The following STRN variants were observed in gnomAD, a reference collection of about 807,000 sequenced individuals.
STRN encodes protein phosphatase 2 regulatory subunit B'''alpha.
In STRN, 53 loss-of-function variants were observed where a neutral mutation model predicts 96.3. The observed-to-expected ratio is 0.55, with a 90% CI of 0.44 to 0.69. The LOEUF is 0.69. STRN is among the 30% of genes least tolerant of loss of function. STRN has a pLI of 0.00. For synonymous variants in STRN, 428 were observed against 355.9 expected (o/e 1.20, Z -2.28); for missense variants, 987 against 963.9 (o/e 1.02, Z -0.32).
rs1668017267 is a variant in STRN, at chr2:36,844,419, G to A, written c.*5037C>T. 6.6e-6 allele frequency: 1 copy of A among 152,092 alleles called. No individual in the cohort carries two copies. Among genetic ancestry groups the A allele is most frequent in the African/African-American group, 2.4e-5 (1 of 41,428 alleles). The allele number at this position is 152,092 out of a possible 1,614,324, so 9.4% of individuals were successfully genotyped here. ...GAGCTAACTAACACCCACCCAGGGG[G>A]GAAAAATCATTCTACATTAACAAGG... is the stretch of plus-strand genomic sequence containing the variant. On this transcript the variant is annotated 3_prime_UTR_variant, in exon 18 of 18. Coordinates refer to ENST00000263918, the MANE Select transcript of STRN (RefSeq NM_003162.4).
At chr2:36,876,063 G>C (rs114798986) in intron 10 of STRN, among the ~76,000 whole-genome samples, 2,108 of 152,246 alleles carry the variant, frequency 0.014, 25 homozygotes, top group Non-Finnish European at 0.022. Flanking sequence ...GAGCTTAGGA[G>C]TTTGAGACCA....
rs1265315369 is a variant in STRN, at chr2:36,931,921, A to G, written c.235-6713T>C. Reference sequence around the variant, plus strand: ...CAGCAGCCTCGAAATCCTGAACTCAATCAATTCTCCCGCCTCAGCCTCCCA... The same window carrying G: ...CAGCAGCCTCGAAATCCTGAACTCAGTCAATTCTCCCGCCTCAGCCTCCCA... On this transcript the variant is annotated intron_variant, in intron 1 of 17. Coordinates refer to ENST00000263918, the MANE Select transcript of STRN (RefSeq NM_003162.4). Among the ~76,000 whole-genome samples, 3 of 151,622 alleles carry G rather than the reference A, an allele frequency of 2.0e-5. No homozygotes were observed. In the East Asian group the frequency reaches 5.8e-4, roughly 29 times the overall value.
At chr2:36,938,976 T>A (rs1238302506) in intron 1 of STRN, among the ~76,000 whole-genome samples, 2 of 152,162 alleles carry the variant, frequency 1.3e-5, no homozygotes, top group African/African-American at 2.4e-5. Flanking sequence ...CAAGTTTTTT[T>A]TTTTTATTTG....
At chr2:36,907,678 T>G (rs186035251) in intron 3 of STRN, among the ~76,000 whole-genome samples, 354 of 152,338 alleles carry the variant, frequency 2.3e-3, no homozygotes, top group Non-Finnish European at 3.9e-3. Context: ...GCTTGAGTTT[T>G]GGAAGGCAAT....
intron 1 of STRN, among the ~76,000 whole-genome samples, chr2:36,941,729 T>C (rs2148254287): frequency 6.6e-6 from 1 of 151,674 alleles, no homozygotes; most frequent in Admixed American, 6.6e-5. Context: ...TTTTTTTTTT[T>C]TTTTAGTGGA....
chr2:36,872,590 T>C (rs1668790552), intron 10 of STRN, among the ~76,000 whole-genome samples: 2 of 152,246 alleles, frequency 1.3e-5, no homozygotes, highest in African/African-American at 4.8e-5. Flanking sequence ...CATAGGTTAC[T>C]GGTATTATTA....
intron 9 of STRN, among the ~76,000 whole-genome samples, chr2:36,883,670 C>T (rs1397795814): frequency 6.6e-6 from 1 of 152,056 alleles, no homozygotes; most frequent in Non-Finnish European, 1.5e-5. Flanking sequence ...ATATATAGGG[C>T]CATGGGCATC....
At chr2:36,925,751 T>A (rs1670392585) in intron 1 of STRN, among the ~76,000 whole-genome samples, 1 of 152,110 alleles carries the variant, frequency 6.6e-6, no homozygotes, top group Non-Finnish European at 1.5e-5. Flanking sequence ...CCATCCTGGG[T>A]AACAGAGTGA....
chr2:36,865,326 A>G (rs1668593606), intron 12 of STRN, among the ~76,000 whole-genome samples: 1 of 152,012 alleles, frequency 6.6e-6, no homozygotes. Context: ...GTAATATTAC[A>G]TTTATCATTT....
chr2:36,892,629 T>C (rs1321433841), intron 7 of STRN, among the ~76,000 whole-genome samples: 1 of 152,198 alleles, frequency 6.6e-6, no homozygotes, highest in Non-Finnish European at 1.5e-5. Context: ...AAAATTCATA[T>C]GGAGAATTCA....
intron 1 of STRN, among the ~76,000 whole-genome samples, chr2:36,930,759 G>A (rs1242508680): frequency 2.0e-5 from 3 of 152,110 alleles, no homozygotes; most frequent in Non-Finnish European, 2.9e-5. Flanking sequence ...GAGGCCGGGC[G>A]CAGTGGCTCA....
rs1259585259 is a variant in STRN at position 36,886,733 on chromosome 2, C to G, written c.1025G>C (p.Gly342Ala). ...CCACTTACTCTTCACCCCCTTTTTC[C>G]CCTTTCTCTCCTTTTTGTATTGTTC... ...LKEQYKKERKGKKGVKRPNRS... is the reference protein window; with the variant it reads ...LKEQYKKERKAKKGVKRPNRS... Residue 342 changes from glycine to alanine, a missense_variant, in exon 8 of 18, where the codon GGG becomes GCG. Gly to Ala is a moderately conservative substitution (Grantham distance 60). Coordinates refer to ENST00000263918, the MANE Select transcript of STRN (RefSeq NM_003162.4). 4.4e-6 allele frequency: 7 copies of G among 1,607,492 alleles called. No individual in the cohort carries two copies. Among genetic ancestry groups the G allele is most frequent in the Non-Finnish European group, 5.9e-6 (7 of 1,176,972 alleles).
At chr2:36,858,241 C>T (rs965231958) in intron 13 of STRN, among the ~76,000 whole-genome samples, 6 of 152,034 alleles carry the variant, frequency 3.9e-5, no homozygotes, top group Non-Finnish European at 5.9e-5. Context: ...TTTAAAAGCA[C>T]GTATTTTTCC....
At chr2:36,955,056 T>G (rs1301184890) in intron 1 of STRN, among the ~76,000 whole-genome samples, 2 of 152,172 alleles carry the variant, frequency 1.3e-5, no homozygotes, top group Non-Finnish European at 2.9e-5. Flanking sequence ...AAATAATCAG[T>G]GATAAGAATT....
chr2:36,892,672 C>A (rs1669431105), intron 7 of STRN, among the ~76,000 whole-genome samples: 1 of 152,072 alleles, frequency 6.6e-6, no homozygotes, highest in African/African-American at 2.4e-5. Context: ...GGACCCAAAC[C>A]AACAGATCCC....
chr2:36,886,933 A>T lies in STRN; in HGVS notation c.932-107T>A, dbSNP rs889935377. The T allele has an allele frequency of 5.0e-6, 4 of 805,398 alleles. No individual in the cohort carries two copies. In the South Asian group the frequency reaches 9.2e-5, roughly 19 times the overall value. 49.9% of individuals were successfully genotyped at this position (805,398 alleles called of 1,614,324 possible). On this transcript the variant is annotated intron_variant, in intron 7 of 17. Transcript: ENST00000263918. ...AACCACTTTCTTTATAGTATCACTA[A>T]CTTAAAAAAAGTCAGTTTATTCATT...
At chr2:36,862,956 C>A (rs1228970392) in intron 12 of STRN, among the ~76,000 whole-genome samples, 1 of 152,168 alleles carries the variant, frequency 6.6e-6, no homozygotes, top group Non-Finnish European at 1.5e-5. Flanking sequence ...ATCTCCTGAC[C>A]TCATGATCCG....
At chr2:36,884,731 G>C (rs1669166522) in intron 8 of STRN, among the ~76,000 whole-genome samples, 1 of 152,148 alleles carries the variant, frequency 6.6e-6, no homozygotes, top group Admixed American at 6.5e-5. Flanking sequence ...TGTATTTCAA[G>C]ATGGTATGAT....
intron 3 of STRN, among the ~76,000 whole-genome samples, chr2:36,907,124 T>G (rs1669840950): frequency 6.6e-6 from 1 of 152,158 alleles, no homozygotes; most frequent in Admixed American, 6.5e-5. Flanking sequence ...GGTTCTACAT[T>G]AACAGTACAA....
Sources: allele counts gnomAD v4.1 joint callset (sites outside exome capture counted in the v4.1 genomes callset), GRCh38; gene constraint gnomAD v4.1.1; transcripts MANE v1.5; gene names NCBI Gene and HGNC (gene_info 2026-07-23, HGNC 2026-07-21).